Variants in ZNF536 observed in about 807,000 individuals in gnomAD.
The protein encoded by ZNF536 is zinc finger protein 536.
In ZNF536, 13 loss-of-function variants were observed where a neutral mutation model predicts 84.5. The observed-to-expected ratio is 0.15, with a 90% CI of 0.10 to 0.24. The LOEUF (loss-of-function observed/expected upper bound fraction) is 0.24. Ranked by LOEUF, ZNF536 falls within the 10% of genes least tolerant of loss-of-function variation. ZNF536 has a pLI of 1.00. For missense variants in ZNF536, 1,536 were observed against 1,747.5 expected, an observed-to-expected ratio of 0.88 and a Z score of 2.16; for synonymous variants, 811 against 742.5, an observed-to-expected ratio of 1.09 and a Z score of -1.50.
At chr19:30,618,658 T>C (rs968989607) in intron 1 of ZNF536, among the ~76,000 whole-genome samples, 8 of 152,122 alleles carry the variant, frequency 5.3e-5, no homozygotes, top group Non-Finnish European at 1.0e-4. Flanking sequence ...CCATTAATAG[T>C]ATAGAAAAGT....
chr19:30,301,720 G>C (rs909755018), intron 2 of ZNF536, among the ~76,000 whole-genome samples: 3 of 151,948 alleles, frequency 2.0e-5, no homozygotes, highest in Non-Finnish European at 4.4e-5. Context: ...TATTCGTTTC[G>C]ATTAAATTTT....
At chr19:30,673,545 A>G (rs531630214) in intron 1 of ZNF536, among the ~76,000 whole-genome samples, 1 of 152,274 alleles carries the variant, frequency 6.6e-6, no homozygotes, top group South Asian at 2.1e-4. Flanking sequence ...GCACAGCACC[A>G]TGGCCCTGGC....
intron 2 of ZNF536, among the ~76,000 whole-genome samples, chr19:30,343,345 A>C (rs2047626497): frequency 1.3e-5 from 2 of 152,144 alleles, no homozygotes; most frequent in South Asian, 4.1e-4. Flanking sequence ...ATGTGTGTAT[A>C]TTTGTCCAAA....
At chr19:30,474,472 C>T (rs1423526590) in intron 2 of ZNF536, among the ~76,000 whole-genome samples, 1 of 152,152 alleles carries the variant, frequency 6.6e-6, no homozygotes, top group Non-Finnish European at 1.5e-5. Context: ...CCCACCTCCT[C>T]CAGCAGACAT....
chr19:30,671,577 C>T (rs1036318775), intron 1 of ZNF536, among the ~76,000 whole-genome samples: 1 of 152,036 alleles, frequency 6.6e-6, no homozygotes, highest in African/African-American at 2.4e-5. Context: ...GGGGTGGAGG[C>T]CCCAGGTGCT....
At chr19:30,507,375 C>A (rs1271775014) in intron 2 of ZNF536, among the ~76,000 whole-genome samples, 2 of 151,478 alleles carry the variant, frequency 1.3e-5, no homozygotes, top group African/African-American at 2.4e-5. Flanking sequence ...AAACAAAAAA[C>A]AAAAAACTGG....
intron 1 of ZNF536, among the ~76,000 whole-genome samples, chr19:30,573,756 G>A (rs958317147): frequency 3.0e-4 from 46 of 152,116 alleles, no homozygotes; most frequent in African/African-American, 1.1e-3. Flanking sequence ...GAAAACGTGG[G>A]CCAATCCTTG....
intron 3 of ZNF536, among the ~76,000 whole-genome samples, chr19:30,546,651 C>G (rs543912005): frequency 5.8e-4 from 88 of 152,238 alleles, no homozygotes; most frequent in South Asian, 8.3e-4. Context: ...CATTCACTGA[C>G]GATTTGTTGT....
chr19:30,384,098 C>CTCTTTCTT lies in ZNF536; in HGVS notation c.-3+11601_-3+11608dup, dbSNP rs749685060. On this transcript the variant is annotated intron_variant, in intron 1 of 4. Coordinates refer to ENST00000355537, the MANE Select transcript of ZNF536 (RefSeq NM_014717.3). ...CCTCTCTTCTTCTGCCCACCTCTTT[C>CTCTTTCTT]TCTTTCTTTCTTTCTTTCTTTCTTT... Among the ~76,000 whole-genome samples the CTCTTTCTT allele has an allele frequency of 5.6e-3, 482 of 86,534 alleles. 9 individuals are homozygous for CTCTTTCTT. The highest frequency in any genetic ancestry group is 0.019 in the East Asian group (50 of 2,590). The allele number at this position is 86,534 out of a possible 152,430, so 56.8% of individuals were successfully genotyped here.
rs371143732 is a variant in ZNF536, at chr19:30,548,253, G to T, written c.2634G>T (p.Ser878=). Residue 878 remains serine (S), a synonymous_variant, in exon 4 of 5, where the codon TCG becomes TCT. Coordinates refer to ENST00000355537, the MANE Select transcript of ZNF536 (RefSeq NM_014717.3). ...DHSGQATGMS[S]EVPSDALKGT... is the part of the protein sequence containing the mutation. ...CGGGGCAGGCCACGGGCATGTCTTC[G>T]GAGGTCCCCTCAGATGCTCTGAAAG... 1 of 1,614,218 alleles carries T rather than the reference G, an allele frequency of 6.2e-7. No individual in the cohort carries two copies. The highest frequency in any genetic ancestry group is 1.1e-5 in the South Asian group (1 of 91,088).
intron 1 of ZNF536, among the ~76,000 whole-genome samples, chr19:30,572,282 C>T (rs1397150438): frequency 6.6e-5 from 10 of 152,304 alleles, no homozygotes; most frequent in Middle Eastern, 3.4e-3. Context: ...GCTTATCCCT[C>T]GCACATTCAT....
chr19:30,227,607 G>A (rs895023215), upstream of ZNF536, among the ~76,000 whole-genome samples: 2 of 152,030 alleles, frequency 1.3e-5, no homozygotes, highest in East Asian at 1.9e-4. Flanking sequence ...CACCCGGTGC[G>A]TCCTGGGGGC....
chr19:30,295,390 G>T (rs1314120985), intron 2 of ZNF536, among the ~76,000 whole-genome samples: 1 of 152,216 alleles, frequency 6.6e-6, no homozygotes, highest in Non-Finnish European at 1.5e-5. Flanking sequence ...GGCTGGGGTA[G>T]TGTCGTGGAT....
At chr19:30,423,741 G>A (rs2051083614) in intron 1 of ZNF536, among the ~76,000 whole-genome samples, 1 of 152,226 alleles carries the variant, frequency 6.6e-6, no homozygotes, top group African/African-American at 2.4e-5. Context: ...GCAAGGGCAG[G>A]GCTCCCTCCC....
chr19:30,658,887 C>T (rs1170280959), intron 1 of ZNF536, among the ~76,000 whole-genome samples: 3 of 152,232 alleles, frequency 2.0e-5, no homozygotes, highest in African/African-American at 7.2e-5. Flanking sequence ...TATACAGAGA[C>T]ATAAACTTGC....
chr19:30,379,786 C>A (rs1766961223), intron 1 of ZNF536, among the ~76,000 whole-genome samples: 1 of 152,002 alleles, frequency 6.6e-6, no homozygotes, highest in Non-Finnish European at 1.5e-5. Context: ...GGTGCTGATG[C>A]AGCTTTGCAA....
intron 1 of ZNF536, among the ~76,000 whole-genome samples, chr19:30,435,226 G>T (rs1007324103): frequency 3.3e-4 from 50 of 151,612 alleles, no homozygotes; most frequent in Non-Finnish European, 5.7e-4. Context: ...TGGTGATGAT[G>T]GTGATAGTGA....
At chr19:30,523,527 T>C (rs1039350312) in intron 2 of ZNF536, among the ~76,000 whole-genome samples, 7 of 152,154 alleles carry the variant, frequency 4.6e-5, no homozygotes, top group African/African-American at 1.7e-4. Context: ...TCTGAACCTG[T>C]CTGTCAGATT....
chr19:30,444,656 G>T lies in ZNF536; in HGVS notation c.1094G>T (p.Arg365Leu), dbSNP rs1433016159. The change falls in exon 2 of 5, where the codon CGC becomes CTC. Residue 365 changes from arginine to leucine, a missense_variant. By Grantham distance (102) the Arg-to-Leu change is moderately radical. Around this residue, in one of 8 missense-constraint regions of ZNF536, gnomAD observed 25 missense variants for 78.9 expected, o/e 0.32. Coordinates refer to ENST00000355537, the MANE Select transcript of ZNF536 (RefSeq NM_014717.3). ...GCGTGGTTCCTCAAGGGTCACATGC[G>T]CAAGCACAAAGACTCCTTTGAGCAC... is the stretch of plus-strand genomic sequence containing the variant. ...SQAWFLKGHM[R>L]KHKDSFEHCC... The T allele has an allele frequency of 6.2e-7, 1 of 1,613,832 alleles. No individual in the cohort carries two copies. The highest frequency in any genetic ancestry group is 8.5e-7 in the Non-Finnish European group (1 of 1,180,050).
Sources: gnomAD v4.1 joint callset for allele counts (sites outside exome capture counted in the v4.1 genomes callset) on GRCh38, gnomAD v4.1.1 for gene constraint, gnomAD v4.1.1 regional missense constraint, MANE v1.5 for transcripts, NCBI Gene and HGNC (gene_info 2026-07-23, HGNC 2026-07-21) for gene names.